RYR2: variants seen among roughly 807,000 people sequenced by gnomAD.
The protein encoded by RYR2 is cardiac muscle ryanodine receptor-calcium release channel.
A neutral mutation model predicts 601.1 loss-of-function variants in RYR2; 227 were observed. The ratio of observed to expected loss-of-function variants is 0.38; its 90% CI spans 0.34 to 0.42. RYR2 has a LOEUF of 0.42. Ranked by LOEUF, RYR2 falls within the 10% of genes least tolerant of loss-of-function variation. The probability of loss-of-function intolerance (pLI) is 1.00; values close to 1 mark genes in which losing one functional copy is unlikely to be tolerated. For synonymous variants in RYR2, 2,223 were observed against 2,175.1 expected (o/e 1.02, Z -0.61); for missense variants, 4,646 against 6,156.5 (o/e 0.75, Z 8.21).
Position 237,785,981 on chromosome 1 carries a change from AAAG to A in RYR2, c.13282_13284del (p.Glu4428del), listed in dbSNP as rs869025516. On this transcript the variant is annotated inframe_deletion, in exon 91 of 105. Transcript: ENST00000366574. ...TGACTCATTCAAGGAACAGAAGGCA[AAAG>A]AAGAAGAAAAGGAAGAAAAAGAAGA... The A allele has an allele frequency of 8.8e-6, 14 of 1,591,908 alleles. No homozygotes were observed. The highest frequency in any genetic ancestry group is 1.6e-4 in the Middle Eastern group (1 of 6,068).
chr1:237,264,975 G>A (rs1232643107), intron 1 of RYR2, among the ~76,000 whole-genome samples: 1 of 151,662 alleles, frequency 6.6e-6, no homozygotes, highest in Non-Finnish European at 1.5e-5. Flanking sequence ...GTGCTGGGAT[G>A]TGAGCCATTG....
intron 1 of RYR2, among the ~76,000 whole-genome samples, chr1:237,205,070 A>G (rs895922337): frequency 2.0e-5 from 3 of 152,162 alleles, no homozygotes; most frequent in Non-Finnish European, 4.4e-5. Flanking sequence ...TGGGGCCTGG[A>G]GTGGCCTGAG....
chr1:237,801,765 C>T (rs577393581), intron 97 of RYR2, 91 bp from the exon 98 acceptor site: 3 of 711,302 alleles, frequency 4.2e-6, no homozygotes, highest in Admixed American at 2.3e-5. Context: ...AAGTCTTGTC[C>T]CATTGAATGT....
intron 1 of RYR2, among the ~76,000 whole-genome samples, chr1:237,211,293 A>T (rs1214382981): frequency 6.6e-6 from 1 of 152,136 alleles, no homozygotes; most frequent in Non-Finnish European, 1.5e-5. Context: ...TTTAGATTTG[A>T]CTATATGTGT....
chr1:237,603,346 C>T (rs1412847937), intron 35 of RYR2, among the ~76,000 whole-genome samples: 1 of 152,126 alleles, frequency 6.6e-6, no homozygotes, highest in Admixed American at 6.5e-5. Flanking sequence ...CCCCCTGTCC[C>T]AGCAAGGGGA....
At chr1:237,518,104 TTAA>T (rs1406424195) in intron 24 of RYR2, among the ~76,000 whole-genome samples, 1 of 152,194 alleles carries the variant, frequency 6.6e-6, no homozygotes, top group Admixed American at 6.5e-5. Flanking sequence ...TCTTCCATTA[TTAA>T]TGTTACTATC....
At chr1:237,376,673 A>T (rs1430902896) in intron 7 of RYR2, among the ~76,000 whole-genome samples, 1 of 152,078 alleles carries the variant, frequency 6.6e-6, no homozygotes, top group East Asian at 1.9e-4. Flanking sequence ...CATGAGGCTT[A>T]TGCTTGACTT....
chr1:237,633,975 G>T lies in RYR2; in HGVS notation c.6688+265G>T, dbSNP rs114532931. Among the ~76,000 whole-genome samples the T allele has an allele frequency of 5.2e-3, 791 of 152,228 alleles. 5 individuals carry two copies. The highest frequency in any genetic ancestry group is 0.018 in the African/African-American group (760 of 41,538). ...GACAAAACATAATAAGTGTTGGCGA[G>T]GGTGTGGGGAAAAGGGAACCCTTAT... On this transcript the variant is annotated intron_variant, in intron 43 of 104. Coordinates refer to ENST00000366574, the MANE Select transcript of RYR2 (RefSeq NM_001035.3).
In RYR2 at chr1:237,749,433, C is replaced by CTATTATTAT. The variant is rs3036582; in HGVS notation, c.11146-6840_11146-6832dup. ...TCACATAACCATCTCTAAATATTTG[C>CTATTATTAT]TATTATTATTATTATTATTATTAAT... On this transcript the variant is annotated intron_variant, in intron 80 of 104. Transcript: ENST00000366574. Among the ~76,000 whole-genome samples the CTATTATTAT allele has an allele frequency of 7.0e-3, 1,047 of 150,142 alleles. 9 individuals are homozygous for CTATTATTAT. Among genetic ancestry groups the CTATTATTAT allele is most frequent in the Non-Finnish European group, 0.01 (689 of 67,492 alleles).
chr1:237,308,567 A>G lies in RYR2; in HGVS notation c.169-22311A>G, dbSNP rs556777831. 6.5e-4 allele frequency among the ~76,000 whole-genome samples: 99 copies of G among 152,284 alleles called. No individual in the cohort carries two copies. The Middle Eastern group carries it at 0.01, about 16-fold the overall frequency. Reference sequence around the variant, plus strand: ...TTGCGGTGAGTGTTACAGTTCTTAAAGGTGGTGTGTCCAGAGTTTGTTCTT... The same window carrying G: ...TTGCGGTGAGTGTTACAGTTCTTAAGGGTGGTGTGTCCAGAGTTTGTTCTT... On this transcript the variant is annotated intron_variant, in intron 2 of 104. Transcript: ENST00000366574.
chr1:237,302,045 C>A (rs1693404092), intron 2 of RYR2, among the ~76,000 whole-genome samples: 3 of 152,240 alleles, frequency 2.0e-5, no homozygotes, highest in African/African-American at 7.2e-5. Context: ...CTGGCCCATA[C>A]TACTTGAATT....
rs1455662963 is a variant in RYR2, at chr1:237,106,144, T to C, written c.48+63575T>C. On this transcript the variant is annotated intron_variant, in intron 1 of 104. Transcript: ENST00000366574. This position sits in a 1 kb window ranked among gnomAD's most constrained non-coding sequence, Gnocchi z 4.4. ...GCTCTTGCTATTACTTTTAGCCATATGGGAGTCATTGCAATCCTTTGAGCT... is the reference window on the plus strand; with the variant it reads ...GCTCTTGCTATTACTTTTAGCCATACGGGAGTCATTGCAATCCTTTGAGCT... Among the ~76,000 whole-genome samples the C allele has an allele frequency of 1.3e-5, 2 of 152,120 alleles. No homozygotes were observed. Among genetic ancestry groups the C allele is most frequent in the East Asian group, 3.9e-4 (2 of 5,162 alleles).
intron 1 of RYR2, among the ~76,000 whole-genome samples, chr1:237,045,514 C>A (rs922912310): frequency 6.6e-6 from 1 of 152,062 alleles, no homozygotes; most frequent in African/African-American, 2.4e-5. Context: ...TGGAAACCTG[C>A]CCACTTGGGT....
At chr1:237,194,695 G>C (rs1277037169) in intron 1 of RYR2, among the ~76,000 whole-genome samples, 1 of 152,222 alleles carries the variant, frequency 6.6e-6, no homozygotes, top group Non-Finnish European at 1.5e-5. Context: ...AGGGCTGTCA[G>C]AAGTGTTCTT....
rs1401667238 is a variant in RYR2, at chr1:237,610,568, T to C, written c.4684-194T>C. On this transcript the variant is annotated intron_variant, in intron 35 of 104. Transcript: ENST00000366574. This position sits in a 1 kb window ranked among gnomAD's most constrained non-coding sequence, Gnocchi z 4.9. ...GCCCGGAAGGTGTAGGTATTCTCTCTCATAATGTATTTCCTGGTTTGTCCT... is the reference window on the plus strand; with the variant it reads ...GCCCGGAAGGTGTAGGTATTCTCTCCCATAATGTATTTCCTGGTTTGTCCT... Among the ~76,000 whole-genome samples, 1 of 152,192 alleles carries C rather than the reference T, an allele frequency of 6.6e-6. No homozygotes were observed. Among genetic ancestry groups the C allele is most frequent in the Non-Finnish European group, 1.5e-5 (1 of 68,034 alleles).
At chr1:237,425,237 G>A (rs1388816337) in intron 12 of RYR2, among the ~76,000 whole-genome samples, 4 of 152,132 alleles carry the variant, frequency 2.6e-5, no homozygotes, top group Non-Finnish European at 2.9e-5. Flanking sequence ...ACGTTTTGAT[G>A]AATTTCCTTC....
intron 1 of RYR2, among the ~76,000 whole-genome samples, chr1:237,190,957 G>T (rs888032887): frequency 5.3e-5 from 8 of 152,154 alleles, no homozygotes; most frequent in African/African-American, 1.9e-4. Flanking sequence ...TGTGGCCTAC[G>T]CTTTTGGTGT....
intron 35 of RYR2, among the ~76,000 whole-genome samples, chr1:237,604,429 A>G (rs1026763112): frequency 6.6e-6 from 1 of 152,208 alleles, no homozygotes; most frequent in Non-Finnish European, 1.5e-5. Context: ...AGCAGTGTGT[A>G]GAGGGAAACT....
chr1:237,084,578 G>C (rs892749472), intron 1 of RYR2, among the ~76,000 whole-genome samples: 1 of 152,134 alleles, frequency 6.6e-6, no homozygotes, highest in Non-Finnish European at 1.5e-5. Flanking sequence ...AGGCGGGGGA[G>C]GGGTAGTTTG....
Sources: gnomAD v4.1 joint callset for allele counts (sites outside exome capture counted in the v4.1 genomes callset) on GRCh38, gnomAD v4.1.1 for gene constraint, Gnocchi (gnomAD v3.1) non-coding constraint, MANE v1.5 for transcripts, NCBI Gene and HGNC (gene_info 2026-07-23, HGNC 2026-07-21) for gene names.